Variants in SMC3 observed in about 807,000 individuals in gnomAD.
SMC3 encodes structural maintenance of chromosomes protein 3.
Under a neutral mutation model 171.8 loss-of-function variants are expected in SMC3, and 20 were observed. That is an observed-to-expected ratio of 0.12 (90% CI 0.08 to 0.17). SMC3 has a LOEUF of 0.17. Among genes scored for constraint, SMC3 ranks in the 10% least tolerant of loss-of-function variants. The probability of loss-of-function intolerance (pLI) is 1.00; values close to 1 mark genes in which losing one functional copy is unlikely to be tolerated. For missense variants in SMC3, 543 were observed against 1,420.4 expected, an observed-to-expected ratio of 0.38 and a Z score of 9.93; for synonymous variants, 464 against 451.1, an observed-to-expected ratio of 1.03 and a Z score of -0.36.
rs1182811684 is a variant in SMC3, at chr10:110,591,129, C to T, written c.1809C>T (p.Thr603=). ...LDVRDTAYPE[T]NDAIPMISKL... is the part of the protein sequence containing the mutation. ...TCAGGGATACAGCCTATCCTGAAACCAATGTGAGTCATTGTGTGATAAGGT... is the reference window on the plus strand; with the variant it reads ...TCAGGGATACAGCCTATCCTGAAACTAATGTGAGTCATTGTGTGATAAGGT... Residue 603 remains threonine (T), a synonymous_variant, in exon 17 of 29, where the codon ACC becomes ACT. Transcript: ENST00000361804. The T allele has an allele frequency of 6.2e-7, 1 of 1,613,292 alleles. No homozygotes were observed. The highest frequency in any genetic ancestry group is 8.5e-7 in the Non-Finnish European group (1 of 1,179,488).
In SMC3 at chr10:110,577,899, A is replaced by C. The variant is rs774721996; in HGVS notation, c.335A>C (p.Asp112Ala). Reference sequence around the variant, plus strand: ...GCCAAAAAGGATCAGTATTTCTTAGACAAGAAGATGGTCACGTAAGCATTT... The same window carrying C: ...GCCAAAAAGGATCAGTATTTCTTAGCCAAGAAGATGGTCACGTAAGCATTT... Reference protein sequence around the residue: ...IGAKKDQYFLDKKMVTKNDVM... With the variant: ...IGAKKDQYFLAKKMVTKNDVM... The change falls in exon 6 of 29, where the codon GAC becomes GCC. Residue 112 changes from aspartate to alanine, a missense_variant. Asp to Ala is a moderately radical substitution (Grantham distance 126). This residue lies in a region of SMC3 where 146 missense variants were observed against 437.9 expected (regional missense o/e 0.33). Coordinates refer to ENST00000361804, the MANE Select transcript of SMC3 (RefSeq NM_005445.4). 6.2e-7 allele frequency: 1 copy of C among 1,610,432 alleles called. No homozygotes were observed. The highest frequency in any genetic ancestry group is 8.5e-7 in the Non-Finnish European group (1 of 1,176,710).
intron 17 of SMC3, 44 bp downstream of exon 17, chr10:110,591,176 A>AT (rs752290543): frequency 2.5e-6 from 4 of 1,571,406 alleles, no homozygotes; most frequent in Non-Finnish European, 3.5e-6. Context: ...TTATAATGTT[A>AT]TTTTTTATCA....
At chr10:110,573,584 T>G in intron 2 of SMC3, 123 bp from the exon 3 acceptor site, 1 of 563,842 alleles carries the variant, frequency 1.8e-6, no homozygotes, top group Non-Finnish European at 3.1e-6. Context: ...ACTGTTTAAT[T>G]TCAGATGTTA....
chr10:110,573,588 G>T, intron 2 of SMC3, 119 bp from the exon 3 acceptor site: 1 of 641,876 alleles, frequency 1.6e-6, no homozygotes. Flanking sequence ...TTTAATTTCA[G>T]ATGTTAAGAT....
intron 18 of SMC3, among the ~76,000 whole-genome samples, chr10:110,593,733 A>C (rs1461124757): frequency 6.6e-6 from 1 of 152,028 alleles, no homozygotes; most frequent in African/African-American, 2.4e-5. Flanking sequence ...TCTATATATA[A>C]CCCCAGCACT....
At chr10:110,601,584 A>G (rs969590572) in intron 23 of SMC3, 53 bp from the exon 24 acceptor site, 12 of 1,574,930 alleles carry the variant, frequency 7.6e-6, no homozygotes, top group East Asian at 4.5e-5. Flanking sequence ...TACTCAACAT[A>G]TAACACTGGC....
rs1861390112 is a variant in SMC3, at chr10:110,601,752, A to G, written c.2760A>G (p.Lys920=). 1 of 1,613,812 alleles carries G rather than the reference A, an allele frequency of 6.2e-7. No individual in the cohort carries two copies. Among genetic ancestry groups the G allele is most frequent in the African/African-American group, 1.3e-5 (1 of 74,926 alleles). ...EHMDAINHDT[K]ELEKMTNRQG... is the part of the protein sequence containing the mutation. The stretch of plus-strand genomic sequence containing the variant: ...TGGATGCTATAAATCATGATACTAA[A>G]GAACTGGAAAAGATGACAAATCGGC... The change falls in exon 24 of 29, where the codon AAA becomes AAG. Residue 920 remains lysine, a synonymous_variant. Transcript: ENST00000361804.
In SMC3 at chr10:110,581,907, C is replaced by T. The variant is rs1206511516; in HGVS notation, c.548-16C>T. The stretch of plus-strand genomic sequence containing the variant: ...TCTTATTCAATTCTTCCACCTCTCT[C>T]CCCATTTCTTTTAAGAGGGCAAACG... On this transcript the variant is annotated splice_polypyrimidine_tract_variant and intron_variant, in intron 8 of 28. Coordinates refer to ENST00000361804, the MANE Select transcript of SMC3 (RefSeq NM_005445.4). 6.2e-7 allele frequency: 1 copy of T among 1,604,344 alleles called. No homozygotes were observed. The highest frequency in any genetic ancestry group is 1.3e-5 in the African/African-American group (1 of 74,136).
At chr10:110,599,871 C>G in intron 21 of SMC3, 59 bp downstream of exon 21, 6 of 1,493,252 alleles carry the variant, frequency 4.0e-6, no homozygotes, top group Non-Finnish European at 5.6e-6. Flanking sequence ...GTGAAAAGGG[C>G]CTTTCTTGCT....
intron 3 of SMC3, among the ~76,000 whole-genome samples, 200 bp downstream of exon 3, chr10:110,573,945 A>G (rs1044733438): frequency 2.0e-5 from 3 of 152,162 alleles, no homozygotes; most frequent in African/African-American, 7.2e-5. Flanking sequence ...GCTGTGTGAG[A>G]GTGGGCAAAA....
At chr10:110,578,561 C>T in intron 6 of SMC3, 67 bp from the exon 7 acceptor site, 1 of 1,132,082 alleles carries the variant, frequency 8.8e-7, no homozygotes, top group Non-Finnish European at 1.3e-6. Context: ...CAAGGGGCTA[C>T]TCTACTCATT....
chr10:110,581,030 A>G lies in SMC3; in HGVS notation c.547+9A>G. ...CTTAATGAAAGAAACAGGTAAAATA[A>G]ATGTGATTCTGCCTTATTTTTTTGT... On this transcript the variant is annotated intron_variant, in intron 8 of 28. Coordinates refer to ENST00000361804, the MANE Select transcript of SMC3 (RefSeq NM_005445.4). 7.0e-7 allele frequency: 1 copy of G among 1,421,850 alleles called. No individual in the cohort carries two copies. The highest frequency in any genetic ancestry group is 1.0e-6 in the Non-Finnish European group (1 of 1,004,646). The allele number at this position is 1,421,850 out of a possible 1,614,324, so 88.1% of individuals were successfully genotyped here.
chr10:110,572,237 ACTTT>A (rs1445055467), intron 2 of SMC3, among the ~76,000 whole-genome samples: 1 of 152,142 alleles, frequency 6.6e-6, no homozygotes, highest in East Asian at 1.9e-4. Flanking sequence ...TTTAATGTGT[ACTTT>A]CTAAGAGGAG....
chr10:110,596,581 T>C (rs1275171757), intron 19 of SMC3, 31 bp downstream of exon 19: 1 of 1,600,454 alleles, frequency 6.2e-7, no homozygotes, highest in Non-Finnish European at 8.6e-7. Flanking sequence ...TAGTGATAGA[T>C]ATTGTGGGGG....
intron 2 of SMC3, 79 bp from the exon 3 acceptor site, chr10:110,573,628 G>C: frequency 1.1e-6 from 1 of 946,438 alleles, no homozygotes. Context: ...TAAAAATATT[G>C]AGTATTTTTA....
In SMC3 at chr10:110,578,633, A is replaced by G. The variant is rs1207398077; in HGVS notation, c.356A>G (p.Asn119Ser). ...YFLDKKMVTK[N>S]DVMNLLESAG... ...ATTTCATTGTTTGTCAACAGGAAAA[A>G]TGATGTGATGAACCTCCTTGAAAGC... Residue 119 changes from asparagine (N) to serine (S), a missense_variant, in exon 7 of 29, where the codon AAT becomes AGT. Physicochemically the swap from Asn to Ser is conservative, Grantham distance 46. Transcript: ENST00000361804. 6.2e-7 allele frequency: 1 copy of G among 1,607,014 alleles called. No individual in the cohort carries two copies.
intron 2 of SMC3, among the ~76,000 whole-genome samples, chr10:110,570,219 T>G (rs1860849451): frequency 6.6e-6 from 1 of 152,198 alleles, no homozygotes; most frequent in African/African-American, 2.4e-5. Flanking sequence ...CATGTCCAAA[T>G]ACTATCACAT....
intron 28 of SMC3, among the ~76,000 whole-genome samples, chr10:110,603,712 T>G (rs1861422697): frequency 6.6e-6 from 1 of 152,216 alleles, no homozygotes; most frequent in Non-Finnish European, 1.5e-5. Context: ...TTAAAATACA[T>G]ATTTTTTAAA....
chr10:110,597,102 C>T (rs1312010115), intron 19 of SMC3, among the ~76,000 whole-genome samples: 1 of 149,414 alleles, frequency 6.7e-6, no homozygotes, highest in Non-Finnish European at 1.5e-5. Context: ...TGAGATCACA[C>T]CACTGCACTC....
Sources: gnomAD v4.1 joint callset for allele counts (sites outside exome capture counted in the v4.1 genomes callset) on GRCh38, gnomAD v4.1.1 for gene constraint, gnomAD v4.1.1 regional missense constraint, MANE v1.5 for transcripts, NCBI Gene and HGNC (gene_info 2026-07-23, HGNC 2026-07-21) for gene names.